Variants in TP63 observed in about 807,000 individuals in gnomAD.
TP63 encodes the protein tumor protein 63.
A neutral mutation model predicts 82.8 loss-of-function variants in TP63; 17 were observed. That is an observed-to-expected ratio of 0.21 (90% confidence interval 0.14 to 0.31). The LOEUF (loss-of-function observed/expected upper bound fraction) is 0.31. Ranked by LOEUF, TP63 falls within the 10% of genes least tolerant of loss-of-function variation. The probability of loss-of-function intolerance (pLI) is 1.00; values close to 1 mark genes in which losing one functional copy is unlikely to be tolerated. For missense variants in TP63, 648 were observed against 895.3 expected (o/e 0.72, Z 3.52); for synonymous variants, 330 against 321.7 (o/e 1.03, Z -0.28).
At chr3:189,699,783 T>A (rs192501353) in intron 1 of TP63, among the ~76,000 whole-genome samples, 2 of 152,300 alleles carry the variant, frequency 1.3e-5, no homozygotes, top group African/African-American at 4.8e-5. Flanking sequence ...ATAATTTAAA[T>A]TTTTTGCTTG....
At chr3:189,797,286 T>C (rs1487357555) in intron 3 of TP63, among the ~76,000 whole-genome samples, 1 of 152,122 alleles carries the variant, frequency 6.6e-6, no homozygotes, top group Non-Finnish European at 1.5e-5. Context: ...TCTACTTTCT[T>C]ATTGGTGCTA....
At chr3:189,614,271 C>T in the TP63 span, among the ~76,000 whole-genome samples, 1 of 152,060 alleles carries the variant, frequency 6.6e-6, no homozygotes, top group Non-Finnish European at 1.5e-5. Context: ...GTAAGTCTCA[C>T]GAGATCTGAT....
At position 189,652,221 on chromosome 3, in the gene TP63, G is replaced by T. The variant is rs762191744; in HGVS notation, c.62+20644G>T. Among the ~76,000 whole-genome samples the T allele has an allele frequency of 1.2e-4, 17 of 146,876 alleles. 1 individual carries two copies. Among genetic ancestry groups the T allele is most frequent in the Non-Finnish European group, 1.8e-4 (12 of 67,260 alleles). The stretch of plus-strand genomic sequence containing the variant: ...CCCCAACCATGAAGGCAGCCAGGAG[G>T]GGGGCTGTACCCTGCAAAGCCACAA... On this transcript the variant is annotated intron_variant, in intron 1 of 13. Coordinates refer to ENST00000264731, the MANE Select transcript of TP63 (RefSeq NM_003722.5).
At chr3:189,846,611 GGTGTGTGTGTGTGTGT>G (rs71861936) in intron 4 of TP63, among the ~76,000 whole-genome samples, 17,313 of 141,206 alleles carry the variant, frequency 0.12, 1,137 homozygotes, top group East Asian at 0.19. Flanking sequence ...TGGCCAGTAG[GGTGTGTGTGTGTGTGT>G]GTGTGTGTGT....
chr3:189,875,093 T>C (rs558672631), intron 10 of TP63, among the ~76,000 whole-genome samples: 70 of 152,010 alleles, frequency 4.6e-4, no homozygotes, highest in African/African-American at 1.6e-3. Flanking sequence ...TTTCTGGGTC[T>C]ATATTGTCTT....
chr3:189,695,357 T>C (rs1260683069), intron 1 of TP63, among the ~76,000 whole-genome samples: 1 of 152,094 alleles, frequency 6.6e-6, no homozygotes, highest in Non-Finnish European at 1.5e-5. Context: ...TTAAATTTTT[T>C]GTTTGTTTGT....
At chr3:189,710,368 G>A (rs1386747651) in intron 1 of TP63, among the ~76,000 whole-genome samples, 1 of 152,128 alleles carries the variant, frequency 6.6e-6, no homozygotes, top group Non-Finnish European at 1.5e-5. Context: ...CAGCTTTACA[G>A]GTCACCACTC....
At position 189,894,704 on chromosome 3, in the gene TP63, T is replaced by C. The variant is rs549447186; in HGVS notation, c.*202T>C. The C allele has an allele frequency of 2.6e-5, 17 of 657,626 alleles. No homozygotes were observed. Among genetic ancestry groups the C allele is most frequent in the African/African-American group, 2.4e-4 (13 of 55,152 alleles). 40.7% of individuals were successfully genotyped at this position (657,626 alleles called of 1,614,324 possible). ...GATTCTGGCTTTAAGCCTTCAAAAC[T>C]ATAGCTTGCAGAACTGTAGCTGCCA... On this transcript the variant is annotated 3_prime_UTR_variant, in exon 14 of 14. Coordinates refer to ENST00000264731, the MANE Select transcript of TP63 (RefSeq NM_003722.5).
chr3:189,631,399 T>C lies in TP63; in HGVS notation c.-117T>C, dbSNP rs778083774. The C allele has an allele frequency of 1.9e-5, 30 of 1,570,044 alleles. No homozygotes were observed. Among genetic ancestry groups the C allele is most frequent in the East Asian group, 2.4e-5 (1 of 41,964 alleles). On this transcript the variant is annotated 5_prime_UTR_variant, in exon 1 of 14. Coordinates refer to ENST00000264731, the MANE Select transcript of TP63 (RefSeq NM_003722.5). ...GAAGTGCCTAAACTTCTATGTCTGATAGCATTTGACCCTATTGCTTTTAGC... is the reference window on the plus strand; with the variant it reads ...GAAGTGCCTAAACTTCTATGTCTGACAGCATTTGACCCTATTGCTTTTAGC...
chr3:189,756,830 A>T (rs1722223746), intron 3 of TP63, among the ~76,000 whole-genome samples: 1 of 152,176 alleles, frequency 6.6e-6, no homozygotes, highest in South Asian at 2.1e-4. Flanking sequence ...AATGTTACTT[A>T]AGACACTGTG....
chr3:189,615,251 G>T, the TP63 span, among the ~76,000 whole-genome samples: 1 of 152,138 alleles, frequency 6.6e-6, no homozygotes, highest in African/African-American at 2.4e-5. Flanking sequence ...TCAGTCTCTT[G>T]AATATTCCTG....
rs574305469 is a variant in TP63 at position 189,686,554 on chromosome 3, G to C, written c.63-51186G>C. On this transcript the variant is annotated intron_variant, in intron 1 of 13. Coordinates refer to ENST00000264731, the MANE Select transcript of TP63 (RefSeq NM_003722.5). ...ACATAATTTCATGAACTACTGGAAA[G>C]AGACAGGAACTTAGAGTCTACCCAG... 2.3e-4 allele frequency among the ~76,000 whole-genome samples: 35 copies of C among 152,014 alleles called. No individual in the cohort carries two copies. In the South Asian group the frequency reaches 6.9e-3, roughly 30 times the overall value.
At chr3:189,783,967 A>G (rs1349573871) in intron 3 of TP63, among the ~76,000 whole-genome samples, 1 of 151,964 alleles carries the variant, frequency 6.6e-6, no homozygotes, top group African/African-American at 2.4e-5. Flanking sequence ...TACTCAAAAT[A>G]TAATGATAAC....
the TP63 span, among the ~76,000 whole-genome samples, chr3:189,623,711 C>A: frequency 8.5e-5 from 13 of 152,154 alleles, no homozygotes; most frequent in African/African-American, 7.2e-5. Flanking sequence ...GTGAGAGAAT[C>A]ACACTGAAAC....
intron 4 of TP63, among the ~76,000 whole-genome samples, chr3:189,849,091 G>A (rs563327765): frequency 1.3e-5 from 2 of 152,270 alleles, no homozygotes; most frequent in African/African-American, 4.8e-5. Context: ...TTTCAGCAAG[G>A]TTCAAGATAG....
chr3:189,660,208 C>A (rs563885363), intron 1 of TP63, among the ~76,000 whole-genome samples: 1 of 151,796 alleles, frequency 6.6e-6, no homozygotes, highest in Non-Finnish European at 1.5e-5. Flanking sequence ...ATCTTTAATC[C>A]GTTTTAATAT....
At chr3:189,708,298 G>A (rs1236510792) in intron 1 of TP63, among the ~76,000 whole-genome samples, 1 of 152,158 alleles carries the variant, frequency 6.6e-6, no homozygotes, top group South Asian at 2.1e-4. Context: ...ACGGACTTAA[G>A]GAAATCAACC....
At chr3:189,683,975 T>C (rs546943451) in intron 1 of TP63, among the ~76,000 whole-genome samples, 3 of 152,308 alleles carry the variant, frequency 2.0e-5, no homozygotes, top group South Asian at 4.1e-4. Context: ...TAACAAGGTT[T>C]GATTACACCC....
intron 10 of TP63, chr3:189,879,983 A>T: frequency 6.4e-7 from 1 of 1,552,124 alleles, no homozygotes. Context: ...AGGTATAAGG[A>T]GTGTGTTTCT....
Sources: gnomAD v4.1 joint callset for allele counts (sites outside exome capture counted in the v4.1 genomes callset) on GRCh38, gnomAD v4.1.1 for gene constraint, MANE v1.5 for transcripts, NCBI Gene and HGNC (gene_info 2026-07-23, HGNC 2026-07-21) for gene names.